HERC3: variants seen among roughly 807,000 people sequenced by gnomAD.
The protein encoded by HERC3 is probable E3 ubiquitin-protein ligase HERC3.
HERC3 carries 58 observed loss-of-function variants against 129.9 expected under a neutral mutation model. The ratio of observed to expected loss-of-function variants is 0.45; its 90% CI spans 0.36 to 0.56. The LOEUF (loss-of-function observed/expected upper bound fraction) is 0.56, where lower values mean the gene tolerates loss of function less well. Ranked by LOEUF, HERC3 falls within the 20% of genes least tolerant of loss-of-function variation. HERC3 has a pLI of 0.00. For synonymous variants in HERC3, 430 were observed against 451.0 expected (o/e 0.95, Z 0.59); for missense variants, 835 against 1,244.2 (o/e 0.67, Z 4.95).
chr4:88,676,829 T>C (rs1732219336), intron 18 of HERC3, among the ~76,000 whole-genome samples: 1 of 152,226 alleles, frequency 6.6e-6, no homozygotes, highest in Non-Finnish European at 1.5e-5. Context: ...TTCATTTAAT[T>C]TTTTTCACCC....
At position 88,653,041 on chromosome 4, in the gene HERC3, T is replaced by C; in HGVS notation, c.636T>C (p.Phe212=). 2 of 1,614,228 alleles carry C rather than the reference T, an allele frequency of 1.2e-6. No homozygotes were observed. Among genetic ancestry groups the C allele is most frequent in the Non-Finnish European group, 1.7e-6 (2 of 1,180,044 alleles). ...CCCTGTCTCTCTCAGGAGCTGTTTTTGGCTGGGGGATGAATAATGCCGGGC... is the reference window on the plus strand; with the variant it reads ...CCCTGTCTCTCTCAGGAGCTGTTTTCGGCTGGGGGATGAATAATGCCGGGC... ...SFALSLSGAV[F]GWGMNNAGQL... The change falls in exon 6 of 26, where the codon TTT becomes TTC. Residue 212 remains phenylalanine (F), a synonymous_variant. Coordinates refer to ENST00000402738, the MANE Select transcript of HERC3 (RefSeq NM_014606.3).
At chr4:88,694,302 C>G (rs1252283455) in intron 23 of HERC3, among the ~76,000 whole-genome samples, 3 of 152,146 alleles carry the variant, frequency 2.0e-5, no homozygotes, top group Non-Finnish European at 4.4e-5. Flanking sequence ...ATGTATTTCT[C>G]TAGTAGGACT....
chr4:88,705,418 T>G (rs997030279), intron 25 of HERC3, among the ~76,000 whole-genome samples: 1 of 152,212 alleles, frequency 6.6e-6, no homozygotes. Context: ...CACAGTCAAT[T>G]GTAGAATACA....
At chr4:88,585,528 T>A in the HERC3 span, among the ~76,000 whole-genome samples, 1 of 151,854 alleles carries the variant, frequency 6.6e-6, no homozygotes, top group African/African-American at 2.4e-5. Flanking sequence ...CTTTTTTTTT[T>A]TTTTTTGCTA....
chr4:88,525,766 C>T, the HERC3 span, among the ~76,000 whole-genome samples: 1 of 152,196 alleles, frequency 6.6e-6, no homozygotes, highest in African/African-American at 2.4e-5. Context: ...AGCAATATGT[C>T]CCTAAATAGC....
intron 21 of HERC3, 49 bp from the exon 22 acceptor site, chr4:88,686,687 C>A: frequency 8.6e-7 from 1 of 1,166,068 alleles, no homozygotes; most frequent in Non-Finnish European, 1.3e-6. Flanking sequence ...AACACTGTTG[C>A]AGCAGTGTCT....
chr4:88,672,788 G>T (rs760077038), intron 16 of HERC3, among the ~76,000 whole-genome samples: 75 of 152,308 alleles, frequency 4.9e-4, no homozygotes, highest in Admixed American at 2.8e-3. Context: ...GAAAGACCTT[G>T]CTTAGCAGAG....
At chr4:88,617,194 A>G (rs1016826095) in intron 3 of HERC3, among the ~76,000 whole-genome samples, 12 of 151,000 alleles carry the variant, frequency 7.9e-5, no homozygotes, top group African/African-American at 2.9e-4. Context: ...AAAAAAAAAA[A>G]AAAAAAAGAA....
intron 3 of HERC3, among the ~76,000 whole-genome samples, chr4:88,618,765 G>T (rs936573344): frequency 6.6e-6 from 1 of 152,140 alleles, no homozygotes; most frequent in Non-Finnish European, 1.5e-5. Flanking sequence ...ACAAAACAAA[G>T]TCATGTTTCA....
chr4:88,587,332 A>G, the HERC3 span, among the ~76,000 whole-genome samples: 1 of 152,214 alleles, frequency 6.6e-6, no homozygotes, highest in Non-Finnish European at 1.5e-5. Flanking sequence ...AGAGGGAGAA[A>G]TCAACTGAGG....
chr4:88,672,229 T>C (rs978468404), intron 16 of HERC3, among the ~76,000 whole-genome samples: 1 of 152,232 alleles, frequency 6.6e-6, no homozygotes. Context: ...ATCTAGATTA[T>C]TATGACAGTA....
At position 88,623,667 on chromosome 4, in the gene HERC3, G is replaced by A. The variant is rs142563135; in HGVS notation, c.226+17618G>A. Among the ~76,000 whole-genome samples the A allele has an allele frequency of 4.9e-3, 743 of 152,196 alleles. 10 individuals carry two copies. Among genetic ancestry groups the A allele is most frequent in the African/African-American group, 0.017 (694 of 41,512 alleles). On this transcript the variant is annotated intron_variant, in intron 3 of 25. Transcript: ENST00000402738. ...TCAGTACGTATGTCTTGTTTTCCTC[G>A]TCAGTCAAGGGAGCATGGGTGCAGA... is the stretch of plus-strand genomic sequence containing the variant.
At chr4:88,686,413 G>A (rs911313881) in intron 21 of HERC3, among the ~76,000 whole-genome samples, 2 of 152,146 alleles carry the variant, frequency 1.3e-5, no homozygotes, top group African/African-American at 2.4e-5. Context: ...TCATTTATAT[G>A]TATACACACA....
chr4:88,567,716 T>G, the HERC3 span, among the ~76,000 whole-genome samples: 8 of 152,232 alleles, frequency 5.3e-5, no homozygotes, highest in African/African-American at 1.9e-4. Flanking sequence ...TGAATTTCAC[T>G]GAGCTTCCTC....
intron 21 of HERC3, among the ~76,000 whole-genome samples, chr4:88,683,088 T>A (rs981695473): frequency 1.3e-5 from 2 of 152,334 alleles, no homozygotes; most frequent in East Asian, 1.9e-4. Context: ...GATGAGCATT[T>A]TTTCATGTGT....
chr4:88,532,928 T>G, the HERC3 span, among the ~76,000 whole-genome samples: 3 of 152,182 alleles, frequency 2.0e-5, no homozygotes, highest in African/African-American at 7.2e-5. Flanking sequence ...ATAGGATAGA[T>G]GAATATACGA....
At chr4:88,656,253 G>A (rs1729887130) in intron 9 of HERC3, 4 of 549,662 alleles carry the variant, frequency 7.3e-6, no homozygotes, top group Non-Finnish European at 1.3e-5. Context: ...GTGTTAGGCC[G>A]TTCTTGCATT....
intron 3 of HERC3, among the ~76,000 whole-genome samples, chr4:88,619,235 C>T (rs1486445673): frequency 2.6e-5 from 4 of 152,208 alleles, no homozygotes; most frequent in African/African-American, 9.6e-5. Flanking sequence ...TTATATGTCA[C>T]TGCTCTGTGT....
At chr4:88,563,602 G>T in the HERC3 span, among the ~76,000 whole-genome samples, 5 of 151,258 alleles carry the variant, frequency 3.3e-5, no homozygotes, top group Admixed American at 6.6e-5. Flanking sequence ...ACTTTCAGTT[G>T]TTCCTAGCTG....
Sources: gnomAD v4.1 joint callset for allele counts (sites outside exome capture counted in the v4.1 genomes callset) on GRCh38, gnomAD v4.1.1 for gene constraint, MANE v1.5 for transcripts, NCBI Gene and HGNC (gene_info 2026-07-23, HGNC 2026-07-21) for gene names.